DNAH7: variants seen among roughly 807,000 people sequenced by gnomAD.
The protein encoded by DNAH7 is axonemal beta dynein heavy chain 7.
DNAH7 carries 397 observed loss-of-function variants against 444.6 expected under a neutral mutation model. The observed-to-expected ratio is 0.89, with a 90% confidence interval of 0.82 to 0.97. The LOEUF is 0.97. DNAH7 is among the 50% of genes least tolerant of loss of function. DNAH7 has a pLI of 0.00. For synonymous variants in DNAH7, 1,636 were observed against 1,624.4 expected, an observed-to-expected ratio of 1.01 and a Z score of -0.17; for missense variants, 4,902 against 4,800.8, an observed-to-expected ratio of 1.02 and a Z score of -0.62.
rs115678351 is a variant in DNAH7 at position 195,976,558 on chromosome 2, C to A, written c.1834-4092G>T. Among the ~76,000 whole-genome samples, 460 of 152,094 alleles carry A rather than the reference C, an allele frequency of 3.0e-3. 3 individuals carry two copies. The highest frequency in any genetic ancestry group is 0.011 in the African/African-American group (441 of 41,442). Reference sequence around the variant, plus strand: ...CTTCACCATCTGCCAATTGTAGAGCCCTAGGGCCTTGAATAAACACAGGCA... The same window carrying A: ...CTTCACCATCTGCCAATTGTAGAGCACTAGGGCCTTGAATAAACACAGGCA... On this transcript the variant is annotated intron_variant, in intron 15 of 64. Coordinates refer to ENST00000312428, the MANE Select transcript of DNAH7 (RefSeq NM_018897.3).
chr2:195,798,488 C>A (rs899055282), intron 55 of DNAH7, among the ~76,000 whole-genome samples: 1 of 150,634 alleles, frequency 6.6e-6, no homozygotes, highest in African/African-American at 2.4e-5. Flanking sequence ...AACATTTGTA[C>A]TGAATTCATT....
intron 19 of DNAH7, among the ~76,000 whole-genome samples, chr2:195,956,705 T>C (rs1690688456): frequency 6.6e-6 from 1 of 152,194 alleles, no homozygotes; most frequent in Admixed American, 6.5e-5. Flanking sequence ...TTTTTAGTGT[T>C]ACTGGTTTTT....
Position 195,908,477 on chromosome 2 carries a change from C to T in DNAH7, c.4105-1468G>A, listed in dbSNP as rs563440186. Among the ~76,000 whole-genome samples the T allele has an allele frequency of 8.3e-4, 127 of 152,194 alleles. 1 individual carries two copies. The highest frequency in any genetic ancestry group is 1.4e-3 in the Non-Finnish European group (94 of 67,996). ...TCCATTTCTATCATTCTACTCTCTA[C>T]AGCCATGTGTACAGATTTCTTAGCG... On this transcript the variant is annotated intron_variant, in intron 25 of 64. Coordinates refer to ENST00000312428, the MANE Select transcript of DNAH7 (RefSeq NM_018897.3).
rs112466733 is a variant in DNAH7, at chr2:195,750,409, A to T, written c.11764+3928T>A. Among the ~76,000 whole-genome samples the T allele has an allele frequency of 2.6e-3, 391 of 152,320 alleles. 2 individuals are homozygous for T. Among genetic ancestry groups the T allele is most frequent in the African/African-American group, 8.8e-3 (366 of 41,554 alleles). On this transcript the variant is annotated intron_variant, in intron 63 of 64. Coordinates refer to ENST00000312428, the MANE Select transcript of DNAH7 (RefSeq NM_018897.3). The stretch of plus-strand genomic sequence containing the variant: ...ACATATAACCCTGAAAGACATCATC[A>T]GTGCTGCTCAAACTTCAACCCAAAT...
At chr2:195,847,117 C>T (rs1403930236) in intron 46 of DNAH7, among the ~76,000 whole-genome samples, 6 of 139,630 alleles carry the variant, frequency 4.3e-5, no homozygotes, top group South Asian at 2.2e-4. Context: ...GGTGGGATAT[C>T]GGATATATAT....
At chr2:196,028,407 T>C (rs569685149) in intron 5 of DNAH7, among the ~76,000 whole-genome samples, 1 of 152,220 alleles carries the variant, frequency 6.6e-6, no homozygotes, top group East Asian at 1.9e-4. Flanking sequence ...TAGATATGAG[T>C]TTTAAAAAGA....
Position 196,051,242 on chromosome 2 carries a change from A to T in DNAH7, c.86T>A (p.Leu29Ter). 1.2e-6 allele frequency: 2 copies of T among 1,613,820 alleles called. No homozygotes were observed. The highest frequency in any genetic ancestry group is 1.7e-6 in the Non-Finnish European group (2 of 1,179,814). The change falls in exon 3 of 65, where the codon TTA becomes TAA. Residue 29 changes from leucine (L) to a stop codon, truncating the protein, a stop_gained. Transcript: ENST00000312428. LOFTEE classifies it high-confidence loss of function. Reference sequence around the variant, plus strand: ...TGCCTTGAACTTTTCTTTGCTGGCTAATTTCTCCTGTGTGAAAAATATGAA... The same window carrying T: ...TGCCTTGAACTTTTCTTTGCTGGCTTATTTCTCCTGTGTGAAAAATATGAA... ...RFLPQLSMEK[L>*]ASKEKFKAPA... is the part of the protein sequence containing the mutation.
At chr2:195,909,234 T>A (rs997465635) in intron 25 of DNAH7, among the ~76,000 whole-genome samples, 4 of 152,090 alleles carry the variant, frequency 2.6e-5, no homozygotes, top group African/African-American at 9.7e-5. Context: ...CCCTGGAACC[T>A]AAAATAAAAA....
At chr2:195,801,359 T>C (rs1447466423) in intron 54 of DNAH7, among the ~76,000 whole-genome samples, 1 of 152,180 alleles carries the variant, frequency 6.6e-6, no homozygotes, top group Non-Finnish European at 1.5e-5. Context: ...TCACAAATTC[T>C]TGCAAATGAA....
At chr2:195,747,316 G>A (rs1035600050) in intron 63 of DNAH7, among the ~76,000 whole-genome samples, 30 of 151,226 alleles carry the variant, frequency 2.0e-4, no homozygotes, top group Middle Eastern at 3.4e-3. Context: ...TTGAATCTCT[G>A]AATAGGCTCT....
At chr2:195,910,307 G>A in intron 24 of DNAH7, 112 bp from the exon 25 acceptor site, 1 of 835,848 alleles carries the variant, frequency 1.2e-6, no homozygotes, top group South Asian at 2.2e-5. Context: ...CTTCCTCTTT[G>A]ATAATTTCTT....
At position 195,776,279 on chromosome 2, in the gene DNAH7, C is replaced by A. The variant is rs1145937; in HGVS notation, c.11065-296G>T. ...ACCAACATGGAGAAACCCCGTCTCTCCTAAAAATACAAAATTAGTCGGGTG... is the reference window on the plus strand; with the variant it reads ...ACCAACATGGAGAAACCCCGTCTCTACTAAAAATACAAAATTAGTCGGGTG... On this transcript the variant is annotated intron_variant, in intron 59 of 64. Coordinates refer to ENST00000312428, the MANE Select transcript of DNAH7 (RefSeq NM_018897.3). Among the ~76,000 whole-genome samples the A allele has an allele frequency of 0.99, 151,401 of 152,184 alleles. 75,312 individuals are homozygous for A. The highest frequency in any genetic ancestry group is 1 in the Middle Eastern group (294 of 294).
intron 18 of DNAH7, among the ~76,000 whole-genome samples, chr2:195,957,670 AT>A (rs1362414492): frequency 6.6e-6 from 1 of 151,728 alleles, no homozygotes; most frequent in Non-Finnish European, 1.5e-5. Flanking sequence ...AATCTTGTAT[AT>A]AATGTATATA....
At chr2:195,795,464 G>T (rs1276504312) in intron 56 of DNAH7, among the ~76,000 whole-genome samples, 3 of 152,292 alleles carry the variant, frequency 2.0e-5, no homozygotes, top group Non-Finnish European at 4.4e-5. Flanking sequence ...ATGATAAAAA[G>T]AATAGTTTTT....
At chr2:195,856,917 C>A (rs771325553) in intron 44 of DNAH7, among the ~76,000 whole-genome samples, 1 of 151,982 alleles carries the variant, frequency 6.6e-6, no homozygotes, top group Non-Finnish European at 1.5e-5. Context: ...TCACATTAAA[C>A]CACACATTAA....
intron 22 of DNAH7, among the ~76,000 whole-genome samples, chr2:195,925,715 A>G (rs1275097249): frequency 6.6e-6 from 1 of 152,184 alleles, no homozygotes; most frequent in African/African-American, 2.4e-5. Flanking sequence ...TCTTAAAGAC[A>G]TTTCAAATTC....
chr2:196,047,285 T>A, intron 5 of DNAH7, 67 bp downstream of exon 5: 1 of 1,367,492 alleles, frequency 7.3e-7, no homozygotes, highest in Non-Finnish European at 9.7e-7. Flanking sequence ...ATTCTAATAT[T>A]CTTAGGTTAA....
chr2:195,960,502 T>C lies in DNAH7; in HGVS notation c.2649A>G (p.Pro883=). Residue 883 remains proline (P), a synonymous_variant, in exon 18 of 65, where the codon CCA becomes CCG. Coordinates refer to ENST00000312428, the MANE Select transcript of DNAH7 (RefSeq NM_018897.3). ...VSSFLDMNLE[P]YIDRFEGISE... ...TAATACCTTCAAATCGGTCTATATATGGTTCCAGATTCATGTCTAAAAAAG... is the reference window on the plus strand; with the variant it reads ...TAATACCTTCAAATCGGTCTATATACGGTTCCAGATTCATGTCTAAAAAAG... 6.2e-7 allele frequency: 1 copy of C among 1,614,204 alleles called. No individual in the cohort carries two copies. Among genetic ancestry groups the C allele is most frequent in the South Asian group, 1.1e-5 (1 of 91,082 alleles).
chr2:195,980,400 C>T (rs1692496139), intron 15 of DNAH7, among the ~76,000 whole-genome samples: 1 of 152,126 alleles, frequency 6.6e-6, no homozygotes, highest in South Asian at 2.1e-4. Flanking sequence ...AACTGTGAGT[C>T]AATTAAACCT....
Sources: gnomAD v4.1 joint callset for allele counts (sites outside exome capture counted in the v4.1 genomes callset) on GRCh38, gnomAD v4.1.1 for gene constraint, MANE v1.5 for transcripts, NCBI Gene and HGNC (gene_info 2026-07-23, HGNC 2026-07-21) for gene names.